The following PDE11A variants were observed in gnomAD, a reference collection of about 807,000 sequenced individuals.
PDE11A encodes phosphodiesterase 11A, also known as dual 3',5'-cyclic-AMP and -GMP phosphodiesterase 11A.
A neutral mutation model predicts 100.5 loss-of-function variants in PDE11A; 100 were observed. The ratio of observed to expected loss-of-function variants is 1.00; its 90% CI spans 0.85 to 1.18. The LOEUF (loss-of-function observed/expected upper bound fraction) is 1.18, where lower values mean the gene tolerates loss of function less well. PDE11A is among the 50% of genes most tolerant of loss of function. PDE11A has a pLI of 0.00. For missense variants in PDE11A, 1,141 were observed against 1,152.6 expected (o/e 0.99, Z 0.15); for synonymous variants, 381 against 420.8 (o/e 0.91, Z 1.16).
In PDE11A at chr2:177,750,292, AG is replaced by A. The variant is rs1217402213; in HGVS notation, c.1788+19030del. Among the ~76,000 whole-genome samples the A allele has an allele frequency of 2.6e-5, 4 of 152,212 alleles. No homozygotes were observed. In the East Asian group the frequency reaches 7.7e-4, roughly 29 times the overall value. ...CAAAACAGCAACAAATTTTCTTTTC[AG>A]GGTGGAAATACTGACAATAAAAAAT... On this transcript the variant is annotated intron_variant, in intron 10 of 19. Transcript: ENST00000286063.
At chr2:177,756,838 T>G (rs1232619965) in intron 10 of PDE11A, among the ~76,000 whole-genome samples, 2 of 152,244 alleles carry the variant, frequency 1.3e-5, no homozygotes, top group Non-Finnish European at 2.9e-5. Flanking sequence ...TCAAACTATG[T>G]AACCTTAAAA....
At chr2:177,682,240 T>C (rs1349576530) in intron 15 of PDE11A, among the ~76,000 whole-genome samples, 3 of 152,158 alleles carry the variant, frequency 2.0e-5, no homozygotes, top group Non-Finnish European at 2.9e-5. Context: ...TGGAAGCCAC[T>C]CCCCACTTCA....
chr2:177,818,049 C>G, intron 7 of PDE11A, 124 bp from the exon 8 acceptor site: 2 of 679,422 alleles, frequency 2.9e-6, no homozygotes, highest in Non-Finnish European at 5.4e-6. Flanking sequence ...ACTCTGGTCT[C>G]TCAAGTGCCT....
chr2:178,098,613 A>G (rs2087523858), intron 2 of PDE11A, among the ~76,000 whole-genome samples: 1 of 152,212 alleles, frequency 6.6e-6, no homozygotes, highest in Non-Finnish European at 1.5e-5. Context: ...AAATATGACT[A>G]TCAAAATTGT....
chr2:177,968,203 A>G (rs2085723056), intron 2 of PDE11A, among the ~76,000 whole-genome samples: 1 of 152,208 alleles, frequency 6.6e-6, no homozygotes, highest in Non-Finnish European at 1.5e-5. Context: ...CAGAGACTGT[A>G]TTTATTCTGA....
chr2:177,909,831 G>A (rs1332794124), intron 2 of PDE11A, among the ~76,000 whole-genome samples: 1 of 152,038 alleles, frequency 6.6e-6, no homozygotes. Flanking sequence ...AATCTTAAAA[G>A]GTAAGGTAGT....
At chr2:178,027,738 A>C (rs1322766003) in intron 1 of PDE11A, among the ~76,000 whole-genome samples, 1 of 152,170 alleles carries the variant, frequency 6.6e-6, no homozygotes, top group East Asian at 1.9e-4. Flanking sequence ...ACAAAGAACA[A>C]AGAACAGAAG....
At chr2:177,995,489 TCAGACTAC>T (rs2105813319) in intron 2 of PDE11A, among the ~76,000 whole-genome samples, 1 of 152,240 alleles carries the variant, frequency 6.6e-6, no homozygotes, top group East Asian at 1.9e-4. Context: ...AAAAAATACA[TCAGACTAC>T]TAGAAATGTC....
At chr2:177,776,931 C>G (rs1011644224) in intron 9 of PDE11A, among the ~76,000 whole-genome samples, 9 of 152,046 alleles carry the variant, frequency 5.9e-5, no homozygotes, top group Admixed American at 1.3e-4. Context: ...GGCAGTTACC[C>G]TCATGCTGTT....
At chr2:177,769,456 T>C (rs2082282000) in intron 9 of PDE11A, 83 bp from the exon 10 acceptor site, 1 of 786,048 alleles carries the variant, frequency 1.3e-6, no homozygotes, top group African/African-American at 1.7e-5. Context: ...AAATAAGCTT[T>C]GCTTATGTAT....
intron 10 of PDE11A, among the ~76,000 whole-genome samples, chr2:177,741,940 G>A (rs1254805744): frequency 4.6e-5 from 7 of 151,942 alleles, no homozygotes; most frequent in African/African-American, 1.7e-4. Context: ...GCTGAGGTGG[G>A]AGGATTGCTT....
At chr2:177,957,420 C>A (rs1304243512) in intron 2 of PDE11A, among the ~76,000 whole-genome samples, 5 of 152,088 alleles carry the variant, frequency 3.3e-5, no homozygotes, top group African/African-American at 9.7e-5. Flanking sequence ...AAAACAACAA[C>A]ACAAAACAAA....
chr2:177,994,973 T>C (rs1327595723), intron 2 of PDE11A, among the ~76,000 whole-genome samples: 1 of 152,110 alleles, frequency 6.6e-6, no homozygotes, highest in African/African-American at 2.4e-5. Context: ...ACTATTGTCT[T>C]AGGAAAGGGA....
intron 2 of PDE11A, among the ~76,000 whole-genome samples, chr2:177,994,150 C>T (rs75551420): frequency 2.0e-5 from 3 of 151,972 alleles, no homozygotes; most frequent in South Asian, 2.1e-4. Context: ...GGGCTGGTCT[C>T]GAACTCCTGA....
In PDE11A at chr2:177,638,008, T is replaced by A. The variant is rs1277524251; in HGVS notation, c.2647-8446A>T. Among the ~76,000 whole-genome samples the A allele has an allele frequency of 8.7e-5, 12 of 138,228 alleles. 1 individual carries two copies. The highest frequency in any genetic ancestry group is 3.0e-4 in the African/African-American group (11 of 37,242). 90.7% of individuals were successfully genotyped at this position (138,228 alleles called of 152,430 possible). On this transcript the variant is annotated intron_variant, in intron 19 of 19. Transcript: ENST00000286063. Reference sequence around the variant, plus strand: ...ATATATATATATATATTTTTTTTTTTTTTTTTTTTGAGATGGAGTCTCGCT... The same window carrying A: ...ATATATATATATATATTTTTTTTTTATTTTTTTTTGAGATGGAGTCTCGCT...
At chr2:177,998,484 G>C in intron 2 of PDE11A, 1 of 1,372,970 alleles carries the variant, frequency 7.3e-7, no homozygotes, top group Non-Finnish European at 1.0e-6. Context: ...TGCCACTCGA[G>C]GAAGATTTTC....
At chr2:177,698,453 T>C (rs1295176201) in intron 14 of PDE11A, 2 of 152,170 alleles carry the variant, frequency 1.3e-5, no homozygotes, top group African/African-American at 4.8e-5. Context: ...AAATATGAAC[T>C]CATGAGCATC....
intron 10 of PDE11A, among the ~76,000 whole-genome samples, chr2:177,744,316 T>A (rs1055560655): frequency 4.7e-5 from 7 of 150,290 alleles, no homozygotes; most frequent in Middle Eastern, 3.5e-3. Flanking sequence ...TGCCAACCAG[T>A]TGGACCTCTC....
chr2:178,104,382 C>T (rs1447478682), exon 2 of PDE11A: 3 of 1,613,872 alleles, frequency 1.9e-6, no homozygotes, highest in African/African-American at 1.3e-5. Flanking sequence ...GAGATTTGGA[C>T]CAGTCTTGTG....
Sources: allele counts gnomAD v4.1 joint callset (sites outside exome capture counted in the v4.1 genomes callset), GRCh38; gene constraint gnomAD v4.1.1; transcripts MANE v1.5; gene names NCBI Gene and HGNC (gene_info 2026-07-23, HGNC 2026-07-21).